The following AKAP7 variants were observed in gnomAD, a reference collection of about 807,000 sequenced individuals.
AKAP7 encodes A-kinase anchoring protein 7.
Under a neutral mutation model 39.5 loss-of-function variants are expected in AKAP7, and 39 were observed. The ratio of observed to expected loss-of-function variants is 0.99; its 90% confidence interval spans 0.76 to 1.29. AKAP7 has a LOEUF of 1.29. AKAP7 is among the 50% of genes most tolerant of loss of function. The probability of loss-of-function intolerance (pLI) is 0.00; values close to 1 mark genes in which losing one functional copy is unlikely to be tolerated. For missense variants in AKAP7, 414 were observed against 407.7 expected (o/e 1.02, Z -0.13); for synonymous variants, 140 against 139.1 (o/e 1.01, Z -0.05).
intron 5 of AKAP7, among the ~76,000 whole-genome samples, chr6:131,180,149 C>A (rs560233479): frequency 1.3e-5 from 2 of 152,352 alleles, no homozygotes; most frequent in East Asian, 3.9e-4. Flanking sequence ...CTGCTCACTT[C>A]AAGTCCCTGT....
rs1585142578 is a variant in AKAP7 at position 131,234,185 on chromosome 6, T to G, written c.850+14377T>G. ...AAAACTTCTTCAGTTCAATTTTGGT[T>G]ATTATAATTTATTTGTGCAACTTAT... On this transcript the variant is annotated intron_variant, in intron 7 of 7. Coordinates refer to ENST00000431975, the MANE Select transcript of AKAP7 (RefSeq NM_016377.4). 2.0e-5 allele frequency among the ~76,000 whole-genome samples: 3 copies of G among 152,308 alleles called. No individual in the cohort carries two copies. The East Asian group carries it at 5.8e-4, about 29-fold the overall frequency.
chr6:131,180,198 A>G (rs1805024271), intron 5 of AKAP7, among the ~76,000 whole-genome samples: 1 of 152,148 alleles, frequency 6.6e-6, no homozygotes, highest in Admixed American at 6.5e-5. Context: ...TGGCTTTTAA[A>G]TTCTCATACA....
At chr6:131,233,406 C>T (rs1810792002) in intron 7 of AKAP7, among the ~76,000 whole-genome samples, 1 of 152,132 alleles carries the variant, frequency 6.6e-6, no homozygotes, top group South Asian at 2.1e-4. Flanking sequence ...AGCCCAGTTA[C>T]CCCATCAATA....
chr6:131,174,813 A>G (rs1029802239), intron 5 of AKAP7, among the ~76,000 whole-genome samples: 1 of 152,230 alleles, frequency 6.6e-6, no homozygotes, highest in Admixed American at 6.5e-5. Flanking sequence ...ATTCAAAATA[A>G]TGGAGACAGA....
intron 5 of AKAP7, among the ~76,000 whole-genome samples, chr6:131,178,133 T>C (rs1562187299): frequency 6.6e-6 from 1 of 152,250 alleles, no homozygotes; most frequent in Non-Finnish European, 1.5e-5. Flanking sequence ...TAGCTCACAT[T>C]GCAATGCTTG....
At chr6:131,157,795 A>T (rs1333257511) in intron 2 of AKAP7, among the ~76,000 whole-genome samples, 1 of 152,228 alleles carries the variant, frequency 6.6e-6, no homozygotes, top group East Asian at 1.9e-4. Flanking sequence ...GTATCCTCTA[A>T]TCATGAAGAG....
At chr6:131,140,192 A>G (rs1158782716) in intron 1 of AKAP7, among the ~76,000 whole-genome samples, 1 of 152,232 alleles carries the variant, frequency 6.6e-6, no homozygotes, top group African/African-American at 2.4e-5. Flanking sequence ...GAGGTTTAAA[A>G]AAATACCAGA....
chr6:131,149,410 G>A (rs998607161), intron 2 of AKAP7, among the ~76,000 whole-genome samples: 27 of 152,322 alleles, frequency 1.8e-4, no homozygotes, highest in African/African-American at 5.8e-4. Context: ...CGAGTTGGGC[G>A]GATCTTTTGA....
chr6:131,170,273 T>G (rs960131321), intron 5 of AKAP7, among the ~76,000 whole-genome samples: 1 of 145,620 alleles, frequency 6.9e-6, no homozygotes, highest in Admixed American at 7.0e-5. Flanking sequence ...ATTGTGCACA[T>G]GTACCCTAAA....
At chr6:131,164,003 C>T (rs1273993368) in intron 3 of AKAP7, among the ~76,000 whole-genome samples, 1 of 152,048 alleles carries the variant, frequency 6.6e-6, no homozygotes, top group Non-Finnish European at 1.5e-5. Flanking sequence ...GAGAGTCTGT[C>T]AATGGGAAGT....
Position 131,179,362 on chromosome 6 carries a change from C to T in AKAP7, c.589+10089C>T, listed in dbSNP as rs181325220. ...CTAAGTTTTGTGTTTATAGTAGAGACGGAGTTTCTCCATGTTGGCCAGGCT... is the reference window on the plus strand; with the variant it reads ...CTAAGTTTTGTGTTTATAGTAGAGATGGAGTTTCTCCATGTTGGCCAGGCT... On this transcript the variant is annotated intron_variant, in intron 5 of 7. Coordinates refer to ENST00000431975, the MANE Select transcript of AKAP7 (RefSeq NM_016377.4). Among the ~76,000 whole-genome samples the T allele has an allele frequency of 8.9e-4, 136 of 152,150 alleles. 1 individual carries two copies. The highest frequency in any genetic ancestry group is 1.2e-3 in the East Asian group (6 of 5,146).
chr6:131,246,820 A>G (rs565537317), intron 7 of AKAP7, among the ~76,000 whole-genome samples: 1 of 152,280 alleles, frequency 6.6e-6, no homozygotes, highest in African/African-American at 2.4e-5. Flanking sequence ...TTTTCTGCAT[A>G]ATATTTTGAA....
intron 2 of AKAP7, among the ~76,000 whole-genome samples, chr6:131,154,637 T>C (rs888104238): frequency 3.9e-5 from 6 of 152,142 alleles, no homozygotes; most frequent in African/African-American, 1.4e-4. Context: ...TATATTTCTT[T>C]AAAAGGTAAA....
chr6:131,222,803 G>C (rs759146337), intron 7 of AKAP7, among the ~76,000 whole-genome samples: 5 of 152,178 alleles, frequency 3.3e-5, no homozygotes, highest in Non-Finnish European at 5.9e-5. Context: ...CTCCAATTTT[G>C]AAGAAGTTTT....
At chr6:131,183,330 G>A (rs1405854760) in intron 5 of AKAP7, among the ~76,000 whole-genome samples, 1 of 152,186 alleles carries the variant, frequency 6.6e-6, no homozygotes, top group African/African-American at 2.4e-5. Context: ...GCATGCAGGG[G>A]AAGAAAGGGA....
At chr6:131,208,941 C>A (rs1201306806) in intron 6 of AKAP7, among the ~76,000 whole-genome samples, 1 of 152,132 alleles carries the variant, frequency 6.6e-6, no homozygotes, top group Non-Finnish European at 1.5e-5. Flanking sequence ...ATTTTATTGG[C>A]CAAAGCAAGT....
At chr6:131,255,981 C>CTGTT (rs145323448) in intron 7 of AKAP7, among the ~76,000 whole-genome samples, 2 of 152,130 alleles carry the variant, frequency 1.3e-5, no homozygotes, top group Non-Finnish European at 2.9e-5. Context: ...TTAAATGCAA[C>CTGTT]TGTTAGAAAA....
chr6:131,253,659 C>CTTATTTATTTATTTAT (rs56220549), intron 7 of AKAP7, among the ~76,000 whole-genome samples: 1 of 149,686 alleles, frequency 6.7e-6, no homozygotes, highest in African/African-American at 2.5e-5. Flanking sequence ...ATGAGATCTA[C>CTTATTTATTTATTTAT]TTATTTATTT....
chr6:131,176,817 C>A lies in AKAP7; in HGVS notation c.589+7544C>A, dbSNP rs79483050. Among the ~76,000 whole-genome samples the A allele has an allele frequency of 8.6e-3, 1,315 of 152,222 alleles. 14 individuals are homozygous for A. Among genetic ancestry groups the A allele is most frequent in the African/African-American group, 0.03 (1,244 of 41,526 alleles). On this transcript the variant is annotated intron_variant, in intron 5 of 7. Transcript: ENST00000431975. ...CATGAAGTCTTGGATTTCTGACCAC[C>A]ACAGGCTGGTGGGTGTCCCAGCAGC...
Sources: gnomAD v4.1 joint callset for allele counts (sites outside exome capture counted in the v4.1 genomes callset) on GRCh38, gnomAD v4.1.1 for gene constraint, MANE v1.5 for transcripts, NCBI Gene and HGNC (gene_info 2026-07-23, HGNC 2026-07-21) for gene names.